MAML3: variants seen among roughly 807,000 people sequenced by gnomAD.
The protein encoded by MAML3 is mastermind like transcriptional coactivator 3.
Under a neutral mutation model 101.9 loss-of-function variants are expected in MAML3, and 27 were observed. The observed-to-expected ratio is 0.27, with a 90% CI of 0.20 to 0.37. The LOEUF (loss-of-function observed/expected upper bound fraction) is 0.37. MAML3 is among the 10% of genes least tolerant of loss of function. The probability of loss-of-function intolerance (pLI) is 1.00; values close to 1 mark genes in which losing one functional copy is unlikely to be tolerated. For missense variants in MAML3, 1,316 were observed against 1,444.9 expected (o/e 0.91, Z 1.45); for synonymous variants, 501 against 555.9 (o/e 0.90, Z 1.39).
At position 139,817,061 on chromosome 4, in the gene MAML3, T is replaced by C. The variant is rs535384365; in HGVS notation, c.2079+72296A>G. Among the ~76,000 whole-genome samples, 4 of 152,260 alleles carry C rather than the reference T, an allele frequency of 2.6e-5. No individual in the cohort carries two copies. The South Asian group carries it at 8.3e-4, about 32-fold the overall frequency. On this transcript the variant is annotated intron_variant, in intron 2 of 4. Coordinates refer to ENST00000509479, the MANE Select transcript of MAML3 (RefSeq NM_018717.5). ...GGTGCTAGGCGACCCTTCTGAAACA[T>C]ACCTCTGCCATGATGTCACTCTGAC...
chr4:139,750,027 G>T (rs1729455375), intron 2 of MAML3, among the ~76,000 whole-genome samples: 1 of 152,128 alleles, frequency 6.6e-6, no homozygotes. Flanking sequence ...CAGTGAATTT[G>T]ATTGTACCCT....
At chr4:139,819,133 G>C (rs946057161) in intron 2 of MAML3, among the ~76,000 whole-genome samples, 1 of 152,194 alleles carries the variant, frequency 6.6e-6, no homozygotes, top group African/African-American at 2.4e-5. Flanking sequence ...GTATGGAAAA[G>C]GATGGATAAT....
intron 1 of MAML3, among the ~76,000 whole-genome samples, chr4:140,105,141 C>G (rs971034173): frequency 7.2e-5 from 11 of 152,148 alleles, no homozygotes; most frequent in African/African-American, 2.7e-4. Context: ...CCATGTTCCT[C>G]AAAGCCACCA....
intron 1 of MAML3, among the ~76,000 whole-genome samples, chr4:139,971,198 C>G (rs1253207143): frequency 2.9e-5 from 4 of 135,858 alleles, no homozygotes; most frequent in Non-Finnish European, 4.9e-5. Flanking sequence ...TAATTACTAA[C>G]TCTTCTCACT....
At chr4:140,088,803 A>G (rs189950627) in intron 1 of MAML3, among the ~76,000 whole-genome samples, 1 of 152,320 alleles carries the variant, frequency 6.6e-6, no homozygotes, top group East Asian at 1.9e-4. Flanking sequence ...ACTAATTTAG[A>G]GTTTTCTGTG....
At chr4:140,011,721 G>T (rs1002291475) in intron 1 of MAML3, among the ~76,000 whole-genome samples, 1 of 152,094 alleles carries the variant, frequency 6.6e-6, no homozygotes, top group African/African-American at 2.4e-5. Context: ...ATTGCTTCAG[G>T]TTTGGCTAAA....
chr4:139,837,960 T>A (rs570120874), intron 2 of MAML3, among the ~76,000 whole-genome samples: 1 of 152,036 alleles, frequency 6.6e-6, no homozygotes, highest in African/African-American at 2.4e-5. Context: ...TATATTTATA[T>A]GGATAATGAA....
chr4:139,863,817 A>T (rs7657941), intron 2 of MAML3, among the ~76,000 whole-genome samples: 81,577 of 146,332 alleles, frequency 0.56, 25,582 homozygotes, highest in African/African-American at 0.84. Context: ...TTTCTGTGGT[A>T]ATACCAGAAC....
chr4:139,730,471 A>G lies in MAML3; in HGVS notation c.2276T>C (p.Leu759Pro), dbSNP rs746772950. 3.9e-6 allele frequency: 6 copies of G among 1,552,850 alleles called. No individual in the cohort carries two copies. The highest frequency in any genetic ancestry group is 1.4e-5 in the African/African-American group (1 of 73,226). ...QLIEQQKQQF[L>P]REQRQQQQQQ... The stretch of plus-strand genomic sequence containing the variant: ...CTGCTGCTGCTGCCTTTGCTCCCGC[A>G]GGAACTGTTGCTTCTGCTGCTCTAT... Residue 759 changes from leucine (L) to proline (P), a missense_variant, in exon 3 of 5, where the codon CTG becomes CCG. Coordinates refer to ENST00000509479, the MANE Select transcript of MAML3 (RefSeq NM_018717.5).
intron 1 of MAML3, among the ~76,000 whole-genome samples, chr4:140,013,998 T>C (rs949924130): frequency 2.0e-5 from 3 of 152,230 alleles, no homozygotes; most frequent in African/African-American, 7.2e-5. Flanking sequence ...GGGATGAGGC[T>C]TCTTTCAGTG....
chr4:139,892,197 A>G (rs896365706), intron 1 of MAML3, among the ~76,000 whole-genome samples: 1 of 152,236 alleles, frequency 6.6e-6, no homozygotes, highest in African/African-American at 2.4e-5. Context: ...ACTAAATCCA[A>G]TGTTCTCCTG....
Position 139,838,006 on chromosome 4 carries a change from A to G in MAML3, c.2079+51351T>C, listed in dbSNP as rs79148359. ...GCTGGGTAAATAAGAGTCATTCTGT[A>G]CTGTCTGCTTAGATGGAAAGGCTTG... On this transcript the variant is annotated intron_variant, in intron 2 of 4. Transcript: ENST00000509479. 6.4e-3 allele frequency among the ~76,000 whole-genome samples: 975 copies of G among 152,196 alleles called. 6 individuals carry two copies. The highest frequency in any genetic ancestry group is 0.022 in the African/African-American group (922 of 41,538).
intron 1 of MAML3, among the ~76,000 whole-genome samples, chr4:140,083,210 T>C (rs1169084866): frequency 6.6e-6 from 1 of 152,234 alleles, no homozygotes; most frequent in African/African-American, 2.4e-5. Context: ...TTCCACTACA[T>C]TACAGCTCAC....
At position 140,143,866 on chromosome 4, in the gene MAML3, T is replaced by C. The variant is rs138682318; in HGVS notation, c.468+8994A>G. Among the ~76,000 whole-genome samples, 68 of 152,346 alleles carry C rather than the reference T, an allele frequency of 4.5e-4. No homozygotes were observed. In the East Asian group the frequency reaches 0.011, roughly 24 times the overall value. On this transcript the variant is annotated intron_variant, in intron 1 of 4. Transcript: ENST00000509479. Reference sequence around the variant, plus strand: ...GTGGCCAGCTAGGATGGCGCTGCCATGCAACACAGCAGTCCTCTAACTTCT... The same window carrying C: ...GTGGCCAGCTAGGATGGCGCTGCCACGCAACACAGCAGTCCTCTAACTTCT...
At position 139,889,259 on chromosome 4, in the gene MAML3, T is replaced by C. The variant is rs778841924; in HGVS notation, c.2079+98A>G. 5 of 1,607,700 alleles carry C rather than the reference T, an allele frequency of 3.1e-6. No homozygotes were observed. The South Asian group carries it at 5.5e-5, about 18-fold the overall frequency. On this transcript the variant is annotated intron_variant, in intron 2 of 4. Transcript: ENST00000509479. ...TGTAAAGAGGTTTTCTGCAGGCAAT[T>C]AGACCCCACTACAGTGGAAGCTTGT... is the stretch of plus-strand genomic sequence containing the variant.
intron 1 of MAML3, among the ~76,000 whole-genome samples, chr4:140,101,912 A>T (rs2110997436): frequency 6.6e-6 from 1 of 151,932 alleles, no homozygotes; most frequent in Non-Finnish European, 1.5e-5. Flanking sequence ...CCAATAGAAC[A>T]ACACTAAAAT....
intron 2 of MAML3, among the ~76,000 whole-genome samples, chr4:139,805,022 T>C (rs1347962341): frequency 6.6e-6 from 1 of 152,084 alleles, no homozygotes; most frequent in African/African-American, 2.4e-5. Context: ...CTACTAAAAA[T>C]ACAAAAATTA....
chr4:139,792,890 G>A (rs1002750627), intron 2 of MAML3, among the ~76,000 whole-genome samples: 1 of 151,838 alleles, frequency 6.6e-6, no homozygotes, highest in African/African-American at 2.4e-5. Flanking sequence ...GACTATAGGC[G>A]CCCACCACCA....
At chr4:139,760,295 T>C (rs2111052449) in intron 2 of MAML3, among the ~76,000 whole-genome samples, 1 of 152,270 alleles carries the variant, frequency 6.6e-6, no homozygotes, top group East Asian at 1.9e-4. Context: ...CAGGTCAAAC[T>C]TAACAGAGGT....
Sources: gnomAD v4.1 joint callset for allele counts (sites outside exome capture counted in the v4.1 genomes callset) on GRCh38, gnomAD v4.1.1 for gene constraint, MANE v1.5 for transcripts, NCBI Gene and HGNC (gene_info 2026-07-23, HGNC 2026-07-21) for gene names.